Variants in GRM7 observed in about 807,000 individuals in gnomAD.
GRM7 encodes the protein glutamate metabotropic receptor 7, also known as metabotropic glutamate receptor 7.
GRM7 carries 35 observed loss-of-function variants against 84.5 expected under a neutral mutation model. The observed-to-expected ratio is 0.41, with a 90% confidence interval of 0.32 to 0.55. The LOEUF is 0.55. Ranked by LOEUF, GRM7 falls within the 20% of genes least tolerant of loss-of-function variation. The probability of loss-of-function intolerance (pLI) is 0.19; values close to 1 mark genes in which losing one functional copy is unlikely to be tolerated. For missense variants in GRM7, 1,003 were observed against 1,194.6 expected, an observed-to-expected ratio of 0.84 and a Z score of 2.36; for synonymous variants, 487 against 455.1, an observed-to-expected ratio of 1.07 and a Z score of -0.89.
chr3:7,229,753 A>ATTTTTTTTTTTT (rs1179627514), intron 2 of GRM7, among the ~76,000 whole-genome samples: 3 of 29,296 alleles, frequency 1.0e-4, no homozygotes, highest in African/African-American at 3.9e-4. Context: ...ATATATATAT[A>ATTTTTTTTTTTT]TATATATTTT....
At chr3:7,449,184 T>A (rs538762201) in intron 5 of GRM7, among the ~76,000 whole-genome samples, 81 of 152,202 alleles carry the variant, frequency 5.3e-4, no homozygotes, top group Admixed American at 4.5e-3. Context: ...AGCTTTTATA[T>A]ATAGATGAAA....
At chr3:7,448,628 A>G (rs1697631173) in intron 5 of GRM7, among the ~76,000 whole-genome samples, 1 of 152,136 alleles carries the variant, frequency 6.6e-6, no homozygotes, top group Admixed American at 6.6e-5. Context: ...TTTATAAAAC[A>G]TAAACTTGTC....
At chr3:7,576,737 G>A (rs2125051016) in intron 7 of GRM7, among the ~76,000 whole-genome samples, 1 of 152,272 alleles carries the variant, frequency 6.6e-6, no homozygotes, top group South Asian at 2.1e-4. Flanking sequence ...AGCCATCATT[G>A]TTAATTGGAA....
At chr3:6,942,269 A>G (rs1230120507) in intron 1 of GRM7, among the ~76,000 whole-genome samples, 1 of 152,162 alleles carries the variant, frequency 6.6e-6, no homozygotes, top group East Asian at 1.9e-4. Flanking sequence ...TAATATATCT[A>G]AAGGGCTTAT....
intron 4 of GRM7, among the ~76,000 whole-genome samples, chr3:7,392,767 G>A (rs1373515835): frequency 6.6e-6 from 1 of 152,210 alleles, no homozygotes; most frequent in African/African-American, 2.4e-5. Context: ...ATCAAAATAT[G>A]TCTTGGGCCT....
intron 1 of GRM7, among the ~76,000 whole-genome samples, chr3:7,126,501 G>T (rs898929719): frequency 7.2e-5 from 11 of 152,110 alleles, no homozygotes; most frequent in Non-Finnish European, 1.5e-4. Flanking sequence ...AGTATGAACC[G>T]GTGGTTGAAT....
intron 1 of GRM7, among the ~76,000 whole-genome samples, chr3:6,999,428 C>T (rs1694936455): frequency 6.6e-6 from 1 of 152,168 alleles, no homozygotes; most frequent in South Asian, 2.1e-4. Context: ...ATTTTCCTGT[C>T]TTCTTTGGAG....
intron 1 of GRM7, among the ~76,000 whole-genome samples, chr3:7,038,539 A>G (rs1559399635): frequency 6.6e-6 from 1 of 152,172 alleles, no homozygotes. Flanking sequence ...AGGAAGAAAG[A>G]GCTAGGAAAA....
At chr3:7,274,039 T>C (rs1698963115) in intron 2 of GRM7, among the ~76,000 whole-genome samples, 1 of 152,022 alleles carries the variant, frequency 6.6e-6, no homozygotes, top group Admixed American at 6.5e-5. Context: ...TTTTGCCTTT[T>C]ACTTGGTTTT....
intron 2 of GRM7, among the ~76,000 whole-genome samples, chr3:7,169,964 A>G (rs1574986153): frequency 6.6e-6 from 1 of 152,220 alleles, no homozygotes. Context: ...CATCAGAATC[A>G]CCTAAAGAAC....
At chr3:7,379,385 G>A (rs1694493075) in intron 4 of GRM7, among the ~76,000 whole-genome samples, 1 of 152,120 alleles carries the variant, frequency 6.6e-6, no homozygotes, top group Admixed American at 6.6e-5. Context: ...GAGCCACCAT[G>A]CCCAGACTCT....
At chr3:7,234,249 G>A (rs986887846) in intron 2 of GRM7, among the ~76,000 whole-genome samples, 2 of 152,150 alleles carry the variant, frequency 1.3e-5, no homozygotes, top group African/African-American at 2.4e-5. Flanking sequence ...AGTTTCTGAG[G>A]TTCATTGGAA....
intron 5 of GRM7, among the ~76,000 whole-genome samples, chr3:7,417,682 C>G (rs924444538): frequency 4.6e-5 from 7 of 152,088 alleles, no homozygotes; most frequent in African/African-American, 1.4e-4. Context: ...ACAGAGCTCT[C>G]TCTGTGACTT....
intron 2 of GRM7, among the ~76,000 whole-genome samples, chr3:7,243,205 T>C (rs1697626156): frequency 6.6e-6 from 1 of 152,142 alleles, no homozygotes; most frequent in African/African-American, 2.4e-5. Flanking sequence ...TTCCATAATA[T>C]ACCATTTGCA....
At position 7,305,330 on chromosome 3, in the gene GRM7, C is replaced by CT. The variant is rs796779715; in HGVS notation, c.879-1156dup. On this transcript the variant is annotated intron_variant, in intron 3 of 9. Coordinates refer to ENST00000357716, the MANE Select transcript of GRM7 (RefSeq NM_000844.4). ...TCAGAACCTATTTCCTATGCTGCTG[C>CT]TTTTTTTTTTTTCTTTTTTTTTTTT... Among the ~76,000 whole-genome samples the CT allele has an allele frequency of 3.0e-3, 263 of 86,852 alleles. 36 individuals are homozygous for CT. Among genetic ancestry groups the CT allele is most frequent in the East Asian group, 0.013 (41 of 3,208 alleles). The allele number at this position is 86,852 out of a possible 152,430, so 57.0% of individuals were successfully genotyped here. A position where few individuals can be genotyped will look rare whatever the true frequency, so the allele number is the denominator to read the frequency against.
chr3:6,973,525 A>G (rs1693850223), intron 1 of GRM7, among the ~76,000 whole-genome samples: 1 of 152,202 alleles, frequency 6.6e-6, no homozygotes, highest in South Asian at 2.1e-4. Context: ...AACATATACT[A>G]TATCAAGTGA....
At position 7,046,035 on chromosome 3, in the gene GRM7, A is replaced by G. The variant is rs115545803; in HGVS notation, c.520-100417A>G. 3.3e-3 allele frequency among the ~76,000 whole-genome samples: 499 copies of G among 152,224 alleles called. 2 individuals are homozygous for G. The highest frequency in any genetic ancestry group is 0.012 in the African/African-American group (485 of 41,574). On this transcript the variant is annotated intron_variant, in intron 1 of 9. Transcript: ENST00000357716. The stretch of plus-strand genomic sequence containing the variant: ...GCTCCCTTTTCTCCATATCTTTGCC[A>G]GCACTTACCTTTTGTTGCTAATAGT...
chr3:7,542,834 CT>C (rs1282435925), intron 7 of GRM7, among the ~76,000 whole-genome samples: 1 of 152,208 alleles, frequency 6.6e-6, no homozygotes, highest in Admixed American at 6.5e-5. Flanking sequence ...GCGTGAGCCA[CT>C]GCACCCAGCC....
intron 8 of GRM7, among the ~76,000 whole-genome samples, chr3:7,592,043 T>C (rs892667736): frequency 1.3e-5 from 2 of 152,166 alleles, no homozygotes; most frequent in African/African-American, 2.4e-5. Flanking sequence ...AAGGTTTTCA[T>C]GAGGATTGAA....
Sources: allele counts gnomAD v4.1 joint callset (sites outside exome capture counted in the v4.1 genomes callset), GRCh38; gene constraint gnomAD v4.1.1; transcripts MANE v1.5; gene names NCBI Gene and HGNC (gene_info 2026-07-23, HGNC 2026-07-21).